Variants in FOSL1 observed in about 807,000 individuals in gnomAD.
FOSL1 encodes the protein FOS like 1, AP-1 transcription factor subunit.
FOSL1 carries 14 observed loss-of-function variants against 24.9 expected under a neutral mutation model. The ratio of observed to expected loss-of-function variants is 0.56; its 90% CI spans 0.37 to 0.88. The LOEUF (loss-of-function observed/expected upper bound fraction) is 0.88. Among genes scored for constraint, FOSL1 ranks in the 40% least tolerant of loss-of-function variants. The pLI is 0.00. For synonymous variants in FOSL1, 133 were observed against 145.1 expected, an observed-to-expected ratio of 0.92 and a Z score of 0.60; for missense variants, 318 against 359.8, an observed-to-expected ratio of 0.88 and a Z score of 0.94.
chr11:65,894,077 C>T lies in FOSL1; in HGVS notation c.342G>A (p.Arg114=), dbSNP rs1268758979. ...TGCACTTGGCCGCAGCCAGCTTGTT[C>T]CGCTCGCGCCTTACTCGGCGGCGCT... ...EEERRRVRRE[R]NKLAAAKCRN... Residue 114 remains arginine (R), a synonymous_variant, in exon 3 of 4, where the codon CGG becomes CGA. Transcript: ENST00000312562. The T allele has an allele frequency of 6.2e-7, 1 of 1,611,108 alleles. No homozygotes were observed.
intron 1 of FOSL1, among the ~76,000 whole-genome samples, chr11:65,899,562 G>C (rs552740241): frequency 1.3e-5 from 2 of 152,218 alleles, no homozygotes; most frequent in African/African-American, 4.8e-5. Flanking sequence ...CGCGAGAGTC[G>C]CCCGCAGCCT....
chr11:65,897,401 A>G (rs1295132448), intron 1 of FOSL1, among the ~76,000 whole-genome samples: 1 of 147,500 alleles, frequency 6.8e-6, no homozygotes, highest in Non-Finnish European at 1.5e-5. Context: ...GTGTAGTGGC[A>G]CGATCTCAGC....
intron 2 of FOSL1, 92 bp downstream of exon 2, chr11:65,896,717 C>T (rs893144620): frequency 7.1e-6 from 8 of 1,131,748 alleles, no homozygotes; most frequent in East Asian, 4.8e-5. Context: ...TTACCCCCTC[C>T]TAAGCCTGTG....
At position 65,892,828 on chromosome 11, in the gene FOSL1, G is replaced by A. The variant is rs1860420930; in HGVS notation, c.*58C>T. ...CTGTCCAGGCCAGCTGGACCGGTGG[G>A]GGAAGGGGAGGAGACATTGGCTAGG... On this transcript the variant is annotated 3_prime_UTR_variant, in exon 4 of 4. Coordinates refer to ENST00000312562, the MANE Select transcript of FOSL1 (RefSeq NM_005438.5). The A allele has an allele frequency of 1.2e-5, 18 of 1,553,322 alleles. No individual in the cohort carries two copies. The highest frequency in any genetic ancestry group is 1.5e-5 in the Non-Finnish European group (17 of 1,140,170).
At position 65,899,044 on chromosome 11, in the gene FOSL1, A is replaced by AGG. The variant is rs1384980091; in HGVS notation, c.99+1195_99+1196dup. 2.2e-4 allele frequency among the ~76,000 whole-genome samples: 34 copies of AGG among 151,576 alleles called. 1 individual carries two copies. The highest frequency in any genetic ancestry group is 8.2e-4 in the African/African-American group (34 of 41,266). The stretch of plus-strand genomic sequence containing the variant: ...TAGTGGGTTTTTTTTTCAATCGATG[A>AGG]GGTCTTCGATTCCGTGAAATATGGT... On this transcript the variant is annotated intron_variant, in intron 1 of 3. Coordinates refer to ENST00000312562, the MANE Select transcript of FOSL1 (RefSeq NM_005438.5).
At chr11:65,894,719 C>G (rs1030432913) in intron 2 of FOSL1, among the ~76,000 whole-genome samples, 2 of 151,944 alleles carry the variant, frequency 1.3e-5, no homozygotes, top group Non-Finnish European at 2.9e-5. Flanking sequence ...TGCATTGGCC[C>G]AATCTTGGCT....
intron 2 of FOSL1, 30 bp from the exon 3 acceptor site, chr11:65,894,151 C>G: frequency 6.5e-7 from 1 of 1,529,106 alleles, no homozygotes; most frequent in Non-Finnish European, 8.9e-7. Flanking sequence ...TGAGGAGGAC[C>G]CTGGGCTACT....
At chr11:65,899,577 C>G (rs2134809100) in intron 1 of FOSL1, among the ~76,000 whole-genome samples, 2 of 152,362 alleles carry the variant, frequency 1.3e-5, no homozygotes, top group South Asian at 4.1e-4. Flanking sequence ...CAGCCTGACC[C>G]CGCGCACGTC....
Position 65,894,083 on chromosome 11 carries a change from G to C in FOSL1, c.336C>G (p.Arg112=). 1 of 1,610,716 alleles carries C rather than the reference G, an allele frequency of 6.2e-7. No individual in the cohort carries two copies. Among genetic ancestry groups the C allele is most frequent in the Non-Finnish European group, 8.5e-7 (1 of 1,179,652 alleles). The change falls in exon 3 of 4, where the codon CGC becomes CGG. Residue 112 remains arginine, a synonymous_variant. Transcript: ENST00000312562. ...TGGCCGCAGCCAGCTTGTTCCGCTC[G>C]CGCCTTACTCGGCGGCGCTCCTCTT... The part of the protein sequence containing the change: ...PEEEERRRVR[R]ERNKLAAAKC...
upstream of FOSL1, chr11:65,900,402 G>A (rs537882530): frequency 3.2e-6 from 3 of 944,370 alleles, no homozygotes; most frequent in African/African-American, 3.3e-5. Flanking sequence ...CGCGCCGTGC[G>A]GAGTCTTTTC....
chr11:65,898,337 G>A (rs1174950789), intron 1 of FOSL1, among the ~76,000 whole-genome samples: 12 of 151,968 alleles, frequency 7.9e-5, no homozygotes, highest in African/African-American at 2.7e-4. Context: ...CACCGCGCAC[G>A]GCCTGGCTAA....
Position 65,893,903 on chromosome 11 carries a change from C to T in FOSL1, c.405+111G>A, listed in dbSNP as rs1472189889. On this transcript the variant is annotated intron_variant, in intron 3 of 3. Coordinates refer to ENST00000312562, the MANE Select transcript of FOSL1 (RefSeq NM_005438.5). ...CCTCATCATTTTCCCAGAAGGACTGCCCCTCAGACAAGGAGCTAGGATGGT... is the reference window on the plus strand; with the variant it reads ...CCTCATCATTTTCCCAGAAGGACTGTCCCTCAGACAAGGAGCTAGGATGGT... The T allele has an allele frequency of 4.0e-6, 3 of 741,078 alleles. No individual in the cohort carries two copies. The African/African-American group carries it at 5.2e-5, about 13-fold the overall frequency. 45.9% of individuals were successfully genotyped at this position (741,078 alleles called of 1,614,324 possible). A position where few individuals can be genotyped will look rare whatever the true frequency, so the allele number is the denominator to read the frequency against.
In FOSL1 at chr11:65,893,057, C is replaced by T. The variant is rs1860430787; in HGVS notation, c.645G>A (p.Leu215=). The change falls in exon 4 of 4, where the codon CTG becomes CTA. Residue 215 remains leucine, a synonymous_variant. Transcript: ENST00000312562. ...SPGPVLEPEA[L]HTPTLMTTPS... Reference sequence around the variant, plus strand: ...GTGTGGTCATGAGTGTGGGGGTGTGCAGTGCCTCAGGTTCAAGCACAGGCC... The same window carrying T: ...GTGTGGTCATGAGTGTGGGGGTGTGTAGTGCCTCAGGTTCAAGCACAGGCC... 1.2e-6 allele frequency: 2 copies of T among 1,610,894 alleles called. No individual in the cohort carries two copies. The highest frequency in any genetic ancestry group is 1.1e-5 in the South Asian group (1 of 90,822).
In FOSL1 at chr11:65,892,919, G is replaced by T. The variant is rs775917015; in HGVS notation, c.783C>A (p.Asp261Glu). ...CGAGGAGGGTTGGAGAGCCAAGGGG[G>T]TCAGAGGATGGGTCTCCGCTGCTGC... is the stretch of plus-strand genomic sequence containing the variant. ...SSSSSGDPSS[D>E]PLGSPTLLAL Residue 261 changes from aspartate to glutamate, a missense_variant, in exon 4 of 4, where the codon GAC (aspartate) becomes GAA (glutamate). Coordinates refer to ENST00000312562, the MANE Select transcript of FOSL1 (RefSeq NM_005438.5). 6.2e-7 allele frequency: 1 copy of T among 1,612,124 alleles called. No individual in the cohort carries two copies. Among genetic ancestry groups the T allele is most frequent in the Non-Finnish European group, 8.5e-7 (1 of 1,179,982 alleles).
chr11:65,900,429 G>A, upstream of FOSL1: 2 of 750,444 alleles, frequency 2.7e-6, no homozygotes, highest in Non-Finnish European at 3.7e-6. Context: ...TGAATGAAAA[G>A]TTCTCGGGCT....
intron 2 of FOSL1, among the ~76,000 whole-genome samples, chr11:65,894,426 C>T (rs1029992287): frequency 1.3e-5 from 2 of 152,278 alleles, no homozygotes; most frequent in African/African-American, 2.4e-5. Context: ...TCCAGGAAGC[C>T]GTCTTATTCC....
intron 1 of FOSL1, 60 bp from the exon 2 acceptor site, chr11:65,897,066 T>A (rs531986458): frequency 3.9e-6 from 5 of 1,275,414 alleles, no homozygotes; most frequent in Non-Finnish European, 5.7e-6. Flanking sequence ...GGGCTTCCAC[T>A]GGGCAGAGGC....
intron 1 of FOSL1, among the ~76,000 whole-genome samples, chr11:65,898,061 G>T (rs147296631): frequency 5.9e-4 from 2 of 3,396 alleles, no homozygotes; most frequent in South Asian, 8.9e-3. Context: ...TTTTTTTTGA[G>T]ACACAGTCTT....
Position 65,892,934 on chromosome 11 carries a change from T to C in FOSL1, c.768A>G (p.Gly256=). 1 of 1,612,328 alleles carries C rather than the reference T, an allele frequency of 6.2e-7. No homozygotes were observed. Among genetic ancestry groups the C allele is most frequent in the South Asian group, 1.1e-5 (1 of 90,994 alleles). The part of the protein sequence containing the change: ...SAHRKSSSSS[G]DPSSDPLGSP... ...AGCCAAGGGGGTCAGAGGATGGGTCTCCGCTGCTGCTGCTACTCTTGCGAT... is the reference window on the plus strand; with the variant it reads ...AGCCAAGGGGGTCAGAGGATGGGTCCCCGCTGCTGCTGCTACTCTTGCGAT... Residue 256 remains glycine (G), a synonymous_variant, in exon 4 of 4, where the codon GGA becomes GGG. Coordinates refer to ENST00000312562, the MANE Select transcript of FOSL1 (RefSeq NM_005438.5).
Sources: allele counts gnomAD v4.1 joint callset (sites outside exome capture counted in the v4.1 genomes callset), GRCh38; gene constraint gnomAD v4.1.1; transcripts MANE v1.5; gene names NCBI Gene and HGNC (gene_info 2026-07-23, HGNC 2026-07-21).